DEGS2: variants seen among roughly 807,000 people sequenced by gnomAD.
DEGS2 encodes the protein delta 4-desaturase, sphingolipid 2, also known as sphingolipid delta(4)-desaturase/C4-monooxygenase DES2.
In DEGS2, 19 loss-of-function variants were observed where a neutral mutation model predicts 23.8. That is an observed-to-expected ratio of 0.80 (90% confidence interval 0.56 to 1.17). The LOEUF (loss-of-function observed/expected upper bound fraction) is 1.17, where lower values mean the gene tolerates loss of function less well. Among genes scored for constraint, DEGS2 ranks in the 50% most tolerant of loss-of-function variants. DEGS2 has a pLI of 0.00. For synonymous variants in DEGS2, 218 were observed against 213.7 expected, an observed-to-expected ratio of 1.02 and a Z score of -0.18; for missense variants, 390 against 459.5, an observed-to-expected ratio of 0.85 and a Z score of 1.38.
intron 2 of DEGS2, among the ~76,000 whole-genome samples, chr14:100,148,671 T>C (rs1424095914): frequency 1.3e-5 from 2 of 152,168 alleles, no homozygotes; most frequent in East Asian, 1.9e-4. Context: ...GTGTTGCTAA[T>C]GCTGCCCCTC....
In DEGS2 at chr14:100,155,781, T is replaced by C. The variant is rs551027581; in HGVS notation, c.82+3725A>G. ...GCTTCCGGGATTTCCTCTTTTGTTT[T>C]TCTTTATTTGAATTTTTGTATTACC... On this transcript the variant is annotated intron_variant, in intron 1 of 2. Coordinates refer to ENST00000305631, the MANE Select transcript of DEGS2 (RefSeq NM_206918.3). The C allele has an allele frequency of 2.0e-5, 3 of 152,314 alleles. No homozygotes were observed. The East Asian group carries it at 5.8e-4, about 29-fold the overall frequency. 9.4% of individuals were successfully genotyped at this position (152,314 alleles called of 1,614,324 possible).
chr14:100,154,912 G>A (rs1367759077), intron 1 of DEGS2, among the ~76,000 whole-genome samples: 1 of 152,148 alleles, frequency 6.6e-6, no homozygotes, highest in East Asian at 1.9e-4. Flanking sequence ...TGACTAGCTG[G>A]CAATAAAGTC....
At chr14:100,163,158 C>T (rs563307754), upstream of DEGS2, among the ~76,000 whole-genome samples, 1 of 152,248 alleles carries the variant, frequency 6.6e-6, no homozygotes, top group East Asian at 1.9e-4. Context: ...AAACCACACC[C>T]GAGCCGGGCG....
At chr14:100,164,565 A>G (rs934589316), upstream of DEGS2, among the ~76,000 whole-genome samples, 1 of 152,160 alleles carries the variant, frequency 6.6e-6, no homozygotes, top group Non-Finnish European at 1.5e-5. Flanking sequence ...TGTACCAGGG[A>G]GGCAGGGGTT....
intron 2 of DEGS2, among the ~76,000 whole-genome samples, 173 bp from the exon 3 acceptor site, chr14:100,147,080 A>G (rs532418274): frequency 1.3e-4 from 20 of 152,270 alleles, no homozygotes; most frequent in Non-Finnish European, 2.9e-4. Flanking sequence ...ATGCAAACAC[A>G]CCGTCGCCTC....
chr14:100,155,249 C>T (rs1889639679), intron 1 of DEGS2, among the ~76,000 whole-genome samples: 1 of 152,204 alleles, frequency 6.6e-6, no homozygotes, highest in African/African-American at 2.4e-5. Context: ...GTGGCCTCTT[C>T]CCCACCCATC....
At position 100,152,319 on chromosome 14, in the gene DEGS2, A is replaced by G. The variant is rs568835299; in HGVS notation, c.83-2609T>C. On this transcript the variant is annotated intron_variant, in intron 1 of 2. Coordinates refer to ENST00000305631, the MANE Select transcript of DEGS2 (RefSeq NM_206918.3). ...GCGTCATGGAGATGCCAGGGTGGGC[A>G]TCATGGAGAAGGCAAGGGTCACTGG... Among the ~76,000 whole-genome samples, 218 of 151,672 alleles carry G rather than the reference A, an allele frequency of 1.4e-3. 1 individual carries two copies. Among genetic ancestry groups the G allele is most frequent in the African/African-American group, 3.9e-3 (161 of 41,170 alleles).
chr14:100,164,834 T>C, the DEGS2 span, among the ~76,000 whole-genome samples: 1 of 152,162 alleles, frequency 6.6e-6, no homozygotes, highest in East Asian at 1.9e-4. Context: ...GTAGTGAACA[T>C]GTGTGGCCAC....
the DEGS2 span, among the ~76,000 whole-genome samples, chr14:100,166,486 T>C: frequency 1.3e-5 from 2 of 151,992 alleles, no homozygotes; most frequent in Admixed American, 6.6e-5. Context: ...CAATGTTTCA[T>C]AGAAGAACAG....
intron 1 of DEGS2, among the ~76,000 whole-genome samples, chr14:100,154,319 C>A (rs1464232993): frequency 6.7e-6 from 1 of 149,222 alleles, no homozygotes; most frequent in Non-Finnish European, 1.5e-5. Flanking sequence ...GAGCCAAAAT[C>A]ACACCACTGG....
Position 100,147,000 on chromosome 14 carries a change from T to C in DEGS2, c.826-93A>G, listed in dbSNP as rs370503631. On this transcript the variant is annotated intron_variant, in intron 2 of 2. Transcript: ENST00000305631. Reference sequence around the variant, plus strand: ...GACACCTGAGCACACGCGGTGGGCATGCACATGCATATTCATGTACGAACA... The same window carrying C: ...GACACCTGAGCACACGCGGTGGGCACGCACATGCATATTCATGTACGAACA... 3.2e-4 allele frequency: 460 copies of C among 1,427,838 alleles called. 1 individual carries two copies. The African/African-American group carries it at 5.9e-3, about 18-fold the overall frequency. 88.4% of individuals were successfully genotyped at this position (1,427,838 alleles called of 1,614,324 possible).
Position 100,146,793 on chromosome 14 carries a change from G to T in DEGS2, c.940C>A (p.Arg314=). ...CCATCTTTTGCCAGCCTGTACACCCGCTTCACCCTGGCATAGGGCCCCAGG... is the reference window on the plus strand; with the variant it reads ...CCATCTTTTGCCAGCCTGTACACCCTCTTCACCCTGGCATAGGGCCCCAGG... ...DSLGPYARVK[R]VYRLAKDGL is the part of the protein sequence containing the mutation. Residue 314 remains arginine (R), a synonymous_variant, in exon 3 of 3, where the codon CGG becomes AGG. Coordinates refer to ENST00000305631, the MANE Select transcript of DEGS2 (RefSeq NM_206918.3). 1 of 1,613,782 alleles carries T rather than the reference G, an allele frequency of 6.2e-7. No homozygotes were observed. The highest frequency in any genetic ancestry group is 1.1e-5 in the South Asian group (1 of 91,084).
In DEGS2 at chr14:100,149,188, G is replaced by T; in HGVS notation, c.605C>A (p.Ala202Asp). The T allele has an allele frequency of 6.2e-7, 1 of 1,612,680 alleles. No individual in the cohort carries two copies. Among genetic ancestry groups the T allele is most frequent in the Non-Finnish European group, 8.5e-7 (1 of 1,179,816 alleles). ...VQLAADLAIF[A>D]LWGLKPVVYL... ...GACCACGGGCTTGAGCCCCCAAAGG[G>T]CAAAGATGGCCAGGTCGGCCGCCAG... The change falls in exon 2 of 3, where the codon GCC becomes GAC. Residue 202 changes from alanine to aspartate, a missense_variant. Coordinates refer to ENST00000305631, the MANE Select transcript of DEGS2 (RefSeq NM_206918.3).
upstream of DEGS2, among the ~76,000 whole-genome samples, chr14:100,162,371 T>A (rs1415575955): frequency 4.1e-5 from 6 of 146,146 alleles, no homozygotes; most frequent in African/African-American, 1.0e-4. Context: ...TAAAAATAAA[T>A]AAAATAAATA....
chr14:100,160,197 G>A (rs1008293911), upstream of DEGS2: 2 of 152,248 alleles, frequency 1.3e-5, no homozygotes, highest in African/African-American at 4.8e-5. Flanking sequence ...GGGAGATAAT[G>A]CGTCTGCAGC....
chr14:100,165,599 C>A, the DEGS2 span, among the ~76,000 whole-genome samples: 2 of 152,190 alleles, frequency 1.3e-5, no homozygotes, highest in Non-Finnish European at 2.9e-5. Context: ...ACGGGCGGTG[C>A]CCCCGCCTGC....
Position 100,146,619 on chromosome 14 carries a change from C to T in DEGS2, c.*142G>A, listed in dbSNP as rs538094245. ...AGCCCTGCAGCCCACACTGCTGTTG[C>T]CAGGTGTGGCTGCGCGGGACACTCC... On this transcript the variant is annotated 3_prime_UTR_variant, in exon 3 of 3. Coordinates refer to ENST00000305631, the MANE Select transcript of DEGS2 (RefSeq NM_206918.3). The T allele has an allele frequency of 6.5e-6, 8 of 1,231,526 alleles. No homozygotes were observed. In the South Asian group the frequency reaches 1.2e-4, roughly 18 times the overall value. The allele number at this position is 1,231,526 out of a possible 1,614,324, so 76.3% of individuals were successfully genotyped here.
chr14:100,147,042 C>A, intron 2 of DEGS2, 135 bp from the exon 3 acceptor site: 1 of 972,738 alleles, frequency 1.0e-6, no homozygotes, highest in Non-Finnish European at 1.5e-6. Flanking sequence ...CGCGCGCGCA[C>A]ACCCACACAC....
chr14:100,161,752 TG>T (rs1319020088), upstream of DEGS2, among the ~76,000 whole-genome samples: 2 of 152,328 alleles, frequency 1.3e-5, no homozygotes, highest in African/African-American at 4.8e-5. Flanking sequence ...ACAGTTTTTC[TG>T]TAAATATAAA....
Sources: allele counts gnomAD v4.1 joint callset (sites outside exome capture counted in the v4.1 genomes callset), GRCh38; gene constraint gnomAD v4.1.1; transcripts MANE v1.5; gene names NCBI Gene and HGNC (gene_info 2026-07-23, HGNC 2026-07-21).